The following ASF1B variants were observed in gnomAD, a reference collection of about 807,000 sequenced individuals.
ASF1B encodes histone chaperone ASF1B.
A neutral mutation model predicts 16.6 loss-of-function variants in ASF1B; 10 were observed. The observed-to-expected ratio is 0.60, with a 90% CI of 0.37 to 1.02. The LOEUF is 1.02. ASF1B is among the 50% of genes least tolerant of loss of function. The pLI, the probability that ASF1B is intolerant of heterozygous loss-of-function variation, is 0.01. For missense variants in ASF1B, 240 were observed against 266.0 expected, an observed-to-expected ratio of 0.90 and a Z score of 0.68; for synonymous variants, 101 against 106.2, an observed-to-expected ratio of 0.95 and a Z score of 0.30.
chr19:14,125,644 C>T (rs73509737), intron 2 of ASF1B, among the ~76,000 whole-genome samples: 1,789 of 152,210 alleles, frequency 0.012, 41 homozygotes, highest in African/African-American at 0.042. Flanking sequence ...CTTCCATCTC[C>T]CAGGCTCAAG....
At chr19:14,128,946 T>G (rs1038084587) in intron 1 of ASF1B, among the ~76,000 whole-genome samples, 2 of 152,094 alleles carry the variant, frequency 1.3e-5, no homozygotes, top group East Asian at 3.9e-4. Context: ...CCTGGGAAGG[T>G]AGACAAAAAA....
chr19:14,126,510 C>T (rs1390289521), intron 1 of ASF1B, among the ~76,000 whole-genome samples: 2 of 151,936 alleles, frequency 1.3e-5, no homozygotes, highest in South Asian at 2.1e-4. Context: ...TCACTCTTGT[C>T]ACCCAGGTTG....
chr19:14,132,396 G>C (rs2144519628), intron 1 of ASF1B, among the ~76,000 whole-genome samples: 1 of 152,190 alleles, frequency 6.6e-6, no homozygotes, highest in East Asian at 1.9e-4. Flanking sequence ...CTTTTTCATG[G>C]AGAGGAGTCC....
chr19:14,135,882 TG>T (rs1354761174), intron 1 of ASF1B, among the ~76,000 whole-genome samples: 3 of 151,824 alleles, frequency 2.0e-5, no homozygotes, highest in Non-Finnish European at 4.4e-5. Flanking sequence ...GCGGGGGTCT[TG>T]CCACAGGGAA....
intron 1 of ASF1B, among the ~76,000 whole-genome samples, chr19:14,136,049 G>T (rs1967491288): frequency 3.3e-5 from 5 of 151,348 alleles, no homozygotes; most frequent in Admixed American, 3.3e-4. Context: ...CTATGGGGAG[G>T]TCGGGGCGGG....
intron 1 of ASF1B, among the ~76,000 whole-genome samples, chr19:14,132,428 T>A (rs1967420230): frequency 6.6e-6 from 1 of 152,130 alleles, no homozygotes; most frequent in Non-Finnish European, 1.5e-5. Flanking sequence ...GAAAGCAAGC[T>A]GGCAGATCAG....
chr19:14,132,946 C>T (rs1967428429), intron 1 of ASF1B, among the ~76,000 whole-genome samples: 1 of 151,818 alleles, frequency 6.6e-6, no homozygotes, highest in Admixed American at 6.6e-5. Flanking sequence ...CAGTGAAACC[C>T]CGTCTCTACT....
At chr19:14,133,762 T>C (rs950014719) in intron 1 of ASF1B, among the ~76,000 whole-genome samples, 1 of 150,908 alleles carries the variant, frequency 6.6e-6, no homozygotes, top group African/African-American at 2.4e-5. Context: ...AGGGGCTTCC[T>C]AGGAGTAGAA....
chr19:14,129,866 G>A (rs1202169062), intron 1 of ASF1B, among the ~76,000 whole-genome samples: 1 of 150,664 alleles, frequency 6.6e-6, no homozygotes, highest in Non-Finnish European at 1.5e-5. Context: ...GGGCAACATG[G>A]TGATACAAAA....
rs1346556905 is a variant in ASF1B at position 14,136,478 on chromosome 19, AGCAGGG to A, written c.-28_-23del. The A allele has an allele frequency of 1.2e-6, 2 of 1,608,410 alleles. No homozygotes were observed. The highest frequency in any genetic ancestry group is 1.3e-5 in the African/African-American group (1 of 74,748). Reference sequence around the variant, plus strand: ...CCATCGCCTCGCCTCGCCGCGCCGCAGCAGGGGCAGGGGCTGTGGCTGTGGCGGAGG... The same window carrying A: ...CCATCGCCTCGCCTCGCCGCGCCGCAGCAGGGGCTGTGGCTGTGGCGGAGG... On this transcript the variant is annotated 5_prime_UTR_variant, in exon 1 of 4. Transcript: ENST00000263382.
intron 1 of ASF1B, among the ~76,000 whole-genome samples, chr19:14,133,406 G>A (rs941278852): frequency 1.3e-5 from 2 of 152,078 alleles, no homozygotes; most frequent in East Asian, 1.9e-4. Flanking sequence ...AGTGGCTCAC[G>A]CCTGTAATCC....
At chr19:14,125,878 T>A (rs1048257866) in intron 2 of ASF1B, among the ~76,000 whole-genome samples, 6 of 151,874 alleles carry the variant, frequency 4.0e-5, no homozygotes, top group Non-Finnish European at 7.4e-5. Flanking sequence ...CTTGTTTTTT[T>A]CTTTTTTAGA....
intron 2 of ASF1B, among the ~76,000 whole-genome samples, chr19:14,121,953 T>TG (rs1303786264): frequency 2.0e-5 from 3 of 151,386 alleles, no homozygotes; most frequent in Non-Finnish European, 2.9e-5. Context: ...TTTTTTTTAA[T>TG]GGAGTTTTGC....
At chr19:14,129,488 G>C (rs747181882) in intron 1 of ASF1B, among the ~76,000 whole-genome samples, 13 of 151,544 alleles carry the variant, frequency 8.6e-5, no homozygotes, top group Non-Finnish European at 1.5e-4. Flanking sequence ...ACCAACCTGG[G>C]CAACATGGTG....
rs56877772 is a variant in ASF1B, at chr19:14,134,923, T to TA, written c.109+1424dup. Among the ~76,000 whole-genome samples, 350 of 144,702 alleles carry TA rather than the reference T, an allele frequency of 2.4e-3. 1 individual carries two copies. The highest frequency in any genetic ancestry group is 5.2e-3 in the African/African-American group (207 of 39,660). 94.9% of individuals were successfully genotyped at this position (144,702 alleles called of 152,430 possible). On this transcript the variant is annotated intron_variant, in intron 1 of 3. Transcript: ENST00000263382. The stretch of plus-strand genomic sequence containing the variant: ...CTTGGCACTGATTATCCAGCTATAT[T>TA]AAAAAAAAAAAAGAAGAAGACGGGG...
intron 1 of ASF1B, among the ~76,000 whole-genome samples, chr19:14,131,414 C>T (rs1400891445): frequency 6.6e-6 from 1 of 151,650 alleles, no homozygotes; most frequent in Non-Finnish European, 1.5e-5. Flanking sequence ...AACTCCTGAC[C>T]TTGTGATCCA....
rs752686880 is a variant in ASF1B at position 14,120,702 on chromosome 19, C to T, written c.403-37G>A. 8.2e-5 allele frequency: 131 copies of T among 1,602,534 alleles called. 2 individuals are homozygous for T. Among genetic ancestry groups the T allele is most frequent in the Middle Eastern group, 6.6e-4 (4 of 6,068 alleles). ...AGAGGAACGTCAACCCTTGTAGGTA[C>T]GCCCTCTCCTTGGTCCCATAGAGCC... On this transcript the variant is annotated intron_variant, in intron 3 of 3. Transcript: ENST00000263382.
At chr19:14,130,787 G>GTGTATATATATATATATATA (rs141600762) in intron 1 of ASF1B, among the ~76,000 whole-genome samples, 9 of 142,436 alleles carry the variant, frequency 6.3e-5, no homozygotes, top group African/African-American at 2.1e-4. Flanking sequence ...GTGTTTGTGT[G>GTGTATATATATATATATATA]TATATATATA....
intron 1 of ASF1B, among the ~76,000 whole-genome samples, chr19:14,133,725 A>G (rs1034384534): frequency 6.6e-6 from 1 of 152,044 alleles, no homozygotes; most frequent in African/African-American, 2.4e-5. Flanking sequence ...CTCTAATTCT[A>G]TAAATAAGTT....
Sources: gnomAD v4.1 joint callset for allele counts (sites outside exome capture counted in the v4.1 genomes callset) on GRCh38, gnomAD v4.1.1 for gene constraint, MANE v1.5 for transcripts, NCBI Gene and HGNC (gene_info 2026-07-23, HGNC 2026-07-21) for gene names.